TRPM3: variants seen among roughly 807,000 people sequenced by gnomAD.
The protein encoded by TRPM3 is transient receptor potential cation channel subfamily M member 3.
In TRPM3, 77 loss-of-function variants were observed where a neutral mutation model predicts 181.2. The observed-to-expected ratio is 0.42, with a 90% CI of 0.35 to 0.51. TRPM3 has a LOEUF of 0.51. TRPM3 is among the 20% of genes least tolerant of loss of function. The pLI, the probability that TRPM3 is intolerant of heterozygous loss-of-function variation, is 0.01. For synonymous variants in TRPM3, 745 were observed against 796.4 expected (o/e 0.94, Z 1.09); for missense variants, 1,759 against 2,196.7 (o/e 0.80, Z 3.98).
At chr9:70,923,215 A>C (rs2096676050) in intron 1 of TRPM3, among the ~76,000 whole-genome samples, 1 of 152,220 alleles carries the variant, frequency 6.6e-6, no homozygotes, top group African/African-American at 2.4e-5. Flanking sequence ...CGCTTAAAAT[A>C]ACTGTGTGTT....
intron 19 of TRPM3, 133 bp from the exon 20 acceptor site, chr9:70,603,603 G>A: frequency 2.3e-6 from 2 of 873,102 alleles, no homozygotes; most frequent in South Asian, 2.2e-5. Context: ...GGAACTTGAA[G>A]GTGCTAAACT....
intron 1 of TRPM3, among the ~76,000 whole-genome samples, chr9:70,960,977 T>C (rs938548591): frequency 6.6e-6 from 1 of 152,196 alleles, no homozygotes; most frequent in African/African-American, 2.4e-5. Context: ...ATAATGCCTG[T>C]ACAGATGTCC....
chr9:70,602,914 A>G (rs1039152028), intron 20 of TRPM3, among the ~76,000 whole-genome samples: 1 of 152,180 alleles, frequency 6.6e-6, no homozygotes, highest in African/African-American at 2.4e-5. Context: ...GAATAAATCC[A>G]ATCAGTGAGT....
chr9:71,280,426 A>C (rs1373335065), intron 1 of TRPM3, among the ~76,000 whole-genome samples: 1 of 152,170 alleles, frequency 6.6e-6, no homozygotes, highest in Non-Finnish European at 1.5e-5. Flanking sequence ...ATGACAAGTA[A>C]AGCACGCCTA....
rs915978516 is a variant in TRPM3 at position 70,533,360 on chromosome 9, C to T, written c.*2593G>A. Reference sequence around the variant, plus strand: ...TCATCAACATGTTAGGATGTAAGTGCATTAAATTGGCAACATCTAATTTAA... The same window carrying T: ...TCATCAACATGTTAGGATGTAAGTGTATTAAATTGGCAACATCTAATTTAA... On this transcript the variant is annotated 3_prime_UTR_variant, in exon 26 of 26. Coordinates refer to ENST00000677713, the MANE Select transcript of TRPM3 (RefSeq NM_001366145.2). 3.3e-5 allele frequency: 5 copies of T among 152,158 alleles called. No individual in the cohort carries two copies. The highest frequency in any genetic ancestry group is 5.9e-5 in the Non-Finnish European group (4 of 68,030). The allele number at this position is 152,158 out of a possible 1,614,324, so 9.4% of individuals were successfully genotyped here.
chr9:70,840,494 TC>T (rs1170195412), intron 5 of TRPM3, among the ~76,000 whole-genome samples: 1 of 152,126 alleles, frequency 6.6e-6, no homozygotes, highest in Non-Finnish European at 1.5e-5. Context: ...TGAACATTTT[TC>T]TGCCCTCTGT....
rs574389947 is a variant in TRPM3, at chr9:70,956,924, TA to T, written c.178-92414del. ...AAAATTTCTTCTAAATTTTGACATTTAAAAAAAATTTTAATTTTAGTTACAT... is the reference window on the plus strand; with the variant it reads ...AAAATTTCTTCTAAATTTTGACATTTAAAAAAATTTTAATTTTAGTTACAT... On this transcript the variant is annotated intron_variant, in intron 1 of 25. Coordinates refer to ENST00000677713, the MANE Select transcript of TRPM3 (RefSeq NM_001366145.2). Among the ~76,000 whole-genome samples the T allele has an allele frequency of 3.6e-3, 546 of 150,094 alleles. 5 individuals carry two copies. Among genetic ancestry groups the T allele is most frequent in the African/African-American group, 0.013 (531 of 40,896 alleles).
chr9:71,108,105 TGAA>T (rs2070147883), intron 1 of TRPM3, among the ~76,000 whole-genome samples: 1 of 152,152 alleles, frequency 6.6e-6, no homozygotes, highest in South Asian at 2.1e-4. Flanking sequence ...GTTCCTCCAG[TGAA>T]GGAGAGTCTA....
chr9:70,665,332 C>T (rs2061697864), intron 9 of TRPM3, among the ~76,000 whole-genome samples: 1 of 152,114 alleles, frequency 6.6e-6, no homozygotes, highest in South Asian at 2.1e-4. Flanking sequence ...ATAGAAACCT[C>T]ACAAAGTCAG....
intron 8 of TRPM3, among the ~76,000 whole-genome samples, chr9:70,692,415 C>G (rs1182068022): frequency 6.6e-6 from 1 of 152,028 alleles, no homozygotes; most frequent in Non-Finnish European, 1.5e-5. Flanking sequence ...TCATAAATTG[C>G]CTCGTAGCTA....
chr9:71,168,587 T>TTTA (rs1554838572), intron 1 of TRPM3, among the ~76,000 whole-genome samples: 12 of 68,616 alleles, frequency 1.7e-4, no homozygotes, highest in African/African-American at 6.9e-4. Flanking sequence ...TGTTTTTTAT[T>TTTA]TTTTTATTTT....
chr9:70,538,048 C>T (rs1235029513), intron 25 of TRPM3, among the ~76,000 whole-genome samples: 1 of 152,178 alleles, frequency 6.6e-6, no homozygotes, highest in African/African-American at 2.4e-5. Context: ...GTTACTGAGG[C>T]ATCCAGGATT....
intron 1 of TRPM3, among the ~76,000 whole-genome samples, chr9:70,873,549 C>T (rs748229352): frequency 3.3e-5 from 5 of 152,012 alleles, no homozygotes; most frequent in Non-Finnish European, 5.9e-5. Flanking sequence ...TTCTAGGCTT[C>T]TCAAACTCTG....
At chr9:71,016,535 A>C (rs1428895805) in intron 1 of TRPM3, among the ~76,000 whole-genome samples, 3 of 152,178 alleles carry the variant, frequency 2.0e-5, no homozygotes, top group African/African-American at 7.2e-5. Context: ...TGACTGACTT[A>C]ATTTACTTAA....
intron 1 of TRPM3, among the ~76,000 whole-genome samples, chr9:71,098,374 A>T (rs1039328317): frequency 6.6e-6 from 1 of 152,202 alleles, no homozygotes; most frequent in South Asian, 2.1e-4. Flanking sequence ...GAAGAGAGGT[A>T]AAGGAGCAGA....
intron 1 of TRPM3, among the ~76,000 whole-genome samples, chr9:70,951,267 A>C (rs2096995637): frequency 1.3e-5 from 2 of 152,202 alleles, no homozygotes; most frequent in South Asian, 4.1e-4. Flanking sequence ...CATTTTATTC[A>C]ATTTTATTCT....
At chr9:71,026,113 GA>G (rs1239286863) in intron 1 of TRPM3, among the ~76,000 whole-genome samples, 1 of 152,220 alleles carries the variant, frequency 6.6e-6, no homozygotes, top group East Asian at 1.9e-4. Context: ...GCAGAGTCCA[GA>G]AGGTTTGGTG....
intron 8 of TRPM3, among the ~76,000 whole-genome samples, chr9:70,752,189 G>T (rs1407397547): frequency 6.6e-6 from 1 of 152,164 alleles, no homozygotes; most frequent in Non-Finnish European, 1.5e-5. Flanking sequence ...ATACATCAGG[G>T]CTTATTATAA....
At chr9:71,351,452 CAAAAACTGAATGATCG>C (rs1021439287) in intron 1 of TRPM3, among the ~76,000 whole-genome samples, 1 of 152,098 alleles carries the variant, frequency 6.6e-6, no homozygotes, top group Non-Finnish European at 1.5e-5. Context: ...CTATAAATGG[CAAAAACTGAATGATCG>C]AAACTATATA....
Sources: allele counts gnomAD v4.1 joint callset (sites outside exome capture counted in the v4.1 genomes callset), GRCh38; gene constraint gnomAD v4.1.1; transcripts MANE v1.5; gene names NCBI Gene and HGNC (gene_info 2026-07-23, HGNC 2026-07-21).